Variants in SLC35F3 observed in about 807,000 individuals in gnomAD.
SLC35F3 encodes putative thiamine transporter SLC35F3.
In SLC35F3, 25 loss-of-function variants were observed where a neutral mutation model predicts 49.9. The ratio of observed to expected loss-of-function variants is 0.50; its 90% CI spans 0.37 to 0.70. SLC35F3 has a LOEUF of 0.70. SLC35F3 is among the 30% of genes least tolerant of loss of function. The pLI is 0.00. For missense variants in SLC35F3, 525 were observed against 639.8 expected (o/e 0.82, Z 1.94); for synonymous variants, 275 against 265.4 (o/e 1.04, Z -0.35).
intron 2 of SLC35F3, among the ~76,000 whole-genome samples, chr1:234,070,486 A>G (rs899484087): frequency 1.3e-5 from 2 of 152,220 alleles, no homozygotes; most frequent in African/African-American, 2.4e-5. Flanking sequence ...ATGTATTCCA[A>G]GTATTTTTAT....
At chr1:234,275,490 T>C (rs1668189394) in intron 3 of SLC35F3, among the ~76,000 whole-genome samples, 1 of 152,182 alleles carries the variant, frequency 6.6e-6, no homozygotes. Flanking sequence ...GATTCTTTTC[T>C]CAATATTGCA....
chr1:234,136,862 C>A (rs2102900944), intron 2 of SLC35F3, among the ~76,000 whole-genome samples: 1 of 152,308 alleles, frequency 6.6e-6, no homozygotes, highest in Non-Finnish European at 1.5e-5. Flanking sequence ...TCTTCCAGTG[C>A]TTTAGTTGTC....
intron 2 of SLC35F3, among the ~76,000 whole-genome samples, chr1:234,024,781 C>G (rs1443448026): frequency 2.0e-5 from 3 of 152,196 alleles, no homozygotes; most frequent in African/African-American, 7.2e-5. Context: ...GGCCCCACCT[C>G]TCAATACTGC....
At chr1:234,072,681 C>T (rs1234690657) in intron 2 of SLC35F3, among the ~76,000 whole-genome samples, 1 of 152,052 alleles carries the variant, frequency 6.6e-6, no homozygotes, top group Non-Finnish European at 1.5e-5. Flanking sequence ...GAAAAGAAAG[C>T]CAATGCAACC....
intron 2 of SLC35F3, among the ~76,000 whole-genome samples, chr1:234,076,138 T>C (rs1401356062): frequency 6.6e-6 from 1 of 152,144 alleles, no homozygotes; most frequent in Non-Finnish European, 1.5e-5. Flanking sequence ...AAGGTAATAA[T>C]GGCAATAATT....
Position 234,199,228 on chromosome 1 carries a change from G to A in SLC35F3, c.284-32189G>A, listed in dbSNP as rs1333589944. On this transcript the variant is annotated intron_variant, in intron 2 of 7. Coordinates refer to ENST00000366618, the MANE Select transcript of SLC35F3 (RefSeq NM_173508.4). ...GGGCAACAGAGTGAGACCCTGTCTCGAAAAAAAGAAAACGAAAAGAAAAAA... is the reference window on the plus strand; with the variant it reads ...GGGCAACAGAGTGAGACCCTGTCTCAAAAAAAAGAAAACGAAAAGAAAAAA... Among the ~76,000 whole-genome samples, 6 of 151,258 alleles carry A rather than the reference G, an allele frequency of 4.0e-5. No individual in the cohort carries two copies. The East Asian group carries it at 5.8e-4, about 15-fold the overall frequency.
rs185031318 is a variant in SLC35F3, at chr1:234,181,061, C to T, written c.284-50356C>T. Among the ~76,000 whole-genome samples the T allele has an allele frequency of 1.7e-3, 265 of 152,118 alleles. 2 individuals are homozygous for T. The highest frequency in any genetic ancestry group is 5.6e-3 in the African/African-American group (234 of 41,518). On this transcript the variant is annotated intron_variant, in intron 2 of 7. Coordinates refer to ENST00000366618, the MANE Select transcript of SLC35F3 (RefSeq NM_173508.4). ...TATGTATTTCTTAAAAATGGCCAGG[C>T]GCGGTGGCTGGATTGTAATCCAGCA...
intron 2 of SLC35F3, among the ~76,000 whole-genome samples, chr1:234,018,159 C>T (rs564971634): frequency 2.0e-5 from 3 of 152,168 alleles, no homozygotes; most frequent in East Asian, 3.9e-4. Flanking sequence ...GTGAAAACGC[C>T]GTGAATATTG....
At chr1:233,912,202 G>A (rs571367471) in intron 2 of SLC35F3, among the ~76,000 whole-genome samples, 13 of 152,216 alleles carry the variant, frequency 8.5e-5, no homozygotes, top group African/African-American at 2.6e-4. Context: ...TAGTTTCGCC[G>A]TGCGCGGTGG....
At chr1:234,309,427 A>C in intron 4 of SLC35F3, 107 bp downstream of exon 4, 4 of 922,022 alleles carry the variant, frequency 4.3e-6, no homozygotes, top group Non-Finnish European at 6.5e-6. Flanking sequence ...TAAGCTGCTG[A>C]CCACTTTCCT....
chr1:234,216,571 G>T (rs1428619145), intron 2 of SLC35F3, among the ~76,000 whole-genome samples: 1 of 152,182 alleles, frequency 6.6e-6, no homozygotes, highest in Middle Eastern at 3.2e-3. Flanking sequence ...TGAGTCTCCT[G>T]CACCTGCTAA....
intron 2 of SLC35F3, among the ~76,000 whole-genome samples, chr1:234,143,494 T>A (rs1665952344): frequency 6.6e-6 from 1 of 152,032 alleles, no homozygotes; most frequent in Non-Finnish European, 1.5e-5. Context: ...TTCACCAAAT[T>A]GGCCAGGCTG....
At chr1:234,173,099 T>G (rs1167306663) in intron 2 of SLC35F3, among the ~76,000 whole-genome samples, 3 of 152,158 alleles carry the variant, frequency 2.0e-5, no homozygotes, top group Non-Finnish European at 4.4e-5. Flanking sequence ...CTGTGCCCCC[T>G]TAACTAAGGG....
At chr1:234,109,400 G>T (rs1290394591) in intron 2 of SLC35F3, among the ~76,000 whole-genome samples, 1 of 152,182 alleles carries the variant, frequency 6.6e-6, no homozygotes, top group Non-Finnish European at 1.5e-5. Context: ...GCACATGAAA[G>T]AAGGTGGAAG....
intron 3 of SLC35F3, among the ~76,000 whole-genome samples, chr1:234,304,896 A>G (rs1307293272): frequency 6.6e-6 from 1 of 152,250 alleles, no homozygotes; most frequent in African/African-American, 2.4e-5. Flanking sequence ...GAAAAAAGAA[A>G]ATTAGAAGAT....
intron 2 of SLC35F3, among the ~76,000 whole-genome samples, chr1:234,187,934 A>C (rs994347498): frequency 6.6e-6 from 1 of 152,160 alleles, no homozygotes; most frequent in Non-Finnish European, 1.5e-5. Context: ...GTGCAGACTC[A>C]ACAGGTGGGG....
chr1:233,981,213 G>A (rs560845876), intron 2 of SLC35F3, among the ~76,000 whole-genome samples: 5 of 146,418 alleles, frequency 3.4e-5, no homozygotes, highest in Admixed American at 6.7e-5. Context: ...TTATGTGTAC[G>A]TGTGTGTGTG....
intron 3 of SLC35F3, among the ~76,000 whole-genome samples, chr1:234,263,930 G>C (rs1183037877): frequency 6.6e-6 from 1 of 152,130 alleles, no homozygotes; most frequent in African/African-American, 2.4e-5. Context: ...CCAACATGGT[G>C]AAGCCCTGTC....
chr1:234,055,096 C>A (rs1664436241), intron 2 of SLC35F3, among the ~76,000 whole-genome samples: 1 of 152,162 alleles, frequency 6.6e-6, no homozygotes, highest in Non-Finnish European at 1.5e-5. Context: ...GGGTCAGGGA[C>A]CCACTTGAGG....
Sources: gnomAD v4.1 joint callset for allele counts (sites outside exome capture counted in the v4.1 genomes callset) on GRCh38, gnomAD v4.1.1 for gene constraint, MANE v1.5 for transcripts, NCBI Gene and HGNC (gene_info 2026-07-23, HGNC 2026-07-21) for gene names.